CNTNAP2: variants seen among roughly 807,000 people sequenced by gnomAD.
The protein encoded by CNTNAP2 is contactin-associated protein-like 2.
A neutral mutation model predicts 155.2 loss-of-function variants in CNTNAP2; 98 were observed. That is an observed-to-expected ratio of 0.63 (90% CI 0.54 to 0.75). The LOEUF (loss-of-function observed/expected upper bound fraction) is 0.75. CNTNAP2 is among the 30% of genes least tolerant of loss of function. The pLI, the probability that CNTNAP2 is intolerant of heterozygous loss-of-function variation, is 0.00. For missense variants in CNTNAP2, 1,727 were observed against 1,688.1 expected (o/e 1.02, Z -0.40); for synonymous variants, 651 against 631.2 (o/e 1.03, Z -0.47).
At chr7:146,774,065 T>C (rs1802344249) in intron 1 of CNTNAP2, among the ~76,000 whole-genome samples, 2 of 152,230 alleles carry the variant, frequency 1.3e-5, no homozygotes, top group African/African-American at 4.8e-5. Context: ...GCTATGGTTT[T>C]CCATTTGAAT....
intron 20 of CNTNAP2, among the ~76,000 whole-genome samples, chr7:148,245,878 C>T (rs1163825643): frequency 1.3e-5 from 2 of 152,172 alleles, no homozygotes; most frequent in East Asian, 1.9e-4. Flanking sequence ...CTTCACTTCC[C>T]CTGGTCTTTT....
At chr7:147,319,001 A>T (rs1478593781) in intron 9 of CNTNAP2, among the ~76,000 whole-genome samples, 1 of 152,186 alleles carries the variant, frequency 6.6e-6, no homozygotes, top group Non-Finnish European at 1.5e-5. Flanking sequence ...ATTTTTAAAA[A>T]TATAAGTGGA....
At chr7:146,202,526 G>A (rs1435487135) in intron 1 of CNTNAP2, among the ~76,000 whole-genome samples, 1 of 151,836 alleles carries the variant, frequency 6.6e-6, no homozygotes, top group Non-Finnish European at 1.5e-5. Flanking sequence ...TACACTTCCG[G>A]CAATCCAAAC....
At chr7:148,069,977 A>G (rs1303928487) in intron 15 of CNTNAP2, among the ~76,000 whole-genome samples, 1 of 152,226 alleles carries the variant, frequency 6.6e-6, no homozygotes, top group Non-Finnish European at 1.5e-5. Flanking sequence ...TTCTCTGACA[A>G]CTGCATAAGT....
rs543186440 is a variant in CNTNAP2 at position 146,679,705 on chromosome 7, A to G, written c.98-94566A>G. On this transcript the variant is annotated intron_variant, in intron 1 of 23. Transcript: ENST00000361727. ...TTCCTCCTTTCCTTTCTCTGTCTTC[A>G]TTCTGCATTTATCTTTCCCTCTTTT... 4.0e-5 allele frequency among the ~76,000 whole-genome samples: 6 copies of G among 151,492 alleles called. No individual in the cohort carries two copies. In the South Asian group the frequency reaches 1.3e-3, roughly 32 times the overall value.
chr7:147,787,140 C>A (rs1797752780), intron 13 of CNTNAP2, among the ~76,000 whole-genome samples: 1 of 152,164 alleles, frequency 6.6e-6, no homozygotes, highest in African/African-American at 2.4e-5. Context: ...TACCTGAATA[C>A]CTGCAGGTGT....
chr7:148,153,240 G>GAA (rs3056237), intron 17 of CNTNAP2, among the ~76,000 whole-genome samples: 3,491 of 130,218 alleles, frequency 0.027, 158 homozygotes, highest in African/African-American at 0.089. Context: ...CAAAGTAACC[G>GAA]AAAAAAAAAA....
chr7:146,427,145 A>C (rs2129115962), intron 1 of CNTNAP2, among the ~76,000 whole-genome samples: 1 of 152,322 alleles, frequency 6.6e-6, no homozygotes, highest in South Asian at 2.1e-4. Flanking sequence ...ATCATTAAAA[A>C]GATTATTTAT....
At chr7:146,853,494 C>G (rs1201309253) in intron 3 of CNTNAP2, among the ~76,000 whole-genome samples, 1 of 152,104 alleles carries the variant, frequency 6.6e-6, no homozygotes, top group Non-Finnish European at 1.5e-5. Flanking sequence ...TATTTCTTAG[C>G]TTATTCAATT....
chr7:147,542,133 C>T (rs1021913700), intron 11 of CNTNAP2, among the ~76,000 whole-genome samples: 4 of 152,142 alleles, frequency 2.6e-5, no homozygotes, highest in Admixed American at 1.3e-4. Flanking sequence ...TTGCCGGACA[C>T]AGTGGCTACA....
intron 3 of CNTNAP2, among the ~76,000 whole-genome samples, chr7:146,886,154 G>A (rs1228814815): frequency 1.3e-5 from 2 of 151,636 alleles, no homozygotes; most frequent in East Asian, 3.9e-4. Flanking sequence ...AGCATCTGAA[G>A]CCTAGAGCTG....
At position 146,810,315 on chromosome 7, in the gene CNTNAP2, T is replaced by C. The variant is rs969977852; in HGVS notation, c.209-29396T>C. Reference sequence around the variant, plus strand: ...TCTAGCTTTCTTTTTTTTTTTTTTTTCAAGATTGCTTTGGTATTTTCATTT... The same window carrying C: ...TCTAGCTTTCTTTTTTTTTTTTTTTCCAAGATTGCTTTGGTATTTTCATTT... On this transcript the variant is annotated intron_variant, in intron 2 of 23. Coordinates refer to ENST00000361727, the MANE Select transcript of CNTNAP2 (RefSeq NM_014141.6). Among the ~76,000 whole-genome samples the C allele has an allele frequency of 7.5e-5, 11 of 146,212 alleles. No homozygotes were observed. In the East Asian group the frequency reaches 1.2e-3, roughly 15 times the overall value.
At position 147,531,824 on chromosome 7, in the gene CNTNAP2, C is replaced by T. The variant is rs1461844201; in HGVS notation, c.1778-30314C>T. Among the ~76,000 whole-genome samples, 27 of 141,812 alleles carry T rather than the reference C, an allele frequency of 1.9e-4. No homozygotes were observed. In the East Asian group the frequency reaches 2.5e-3, roughly 13 times the overall value. 93.0% of individuals were successfully genotyped at this position (141,812 alleles called of 152,430 possible). A position where few individuals can be genotyped will look rare whatever the true frequency, so the allele number is the denominator to read the frequency against. On this transcript the variant is annotated intron_variant, in intron 11 of 23. Transcript: ENST00000361727. ...TTCTTTTCTTTTTTTTTTTTTTTTC[C>T]GAGACAAAGTCTCACTCTGTCACCC...
chr7:148,148,426 T>C (rs951585980), intron 17 of CNTNAP2, among the ~76,000 whole-genome samples: 3 of 152,238 alleles, frequency 2.0e-5, no homozygotes, highest in Non-Finnish European at 4.4e-5. Flanking sequence ...AATATTCATA[T>C]GTTAGGAAAT....
chr7:147,046,839 A>C lies in CNTNAP2; in HGVS notation c.550+2785A>C, dbSNP rs11975060. On this transcript the variant is annotated intron_variant, in intron 4 of 23. Coordinates refer to ENST00000361727, the MANE Select transcript of CNTNAP2 (RefSeq NM_014141.6). ...GGTCAGGAGATCGAGACCATCCTGG[A>C]TAACACGGTGAAACCCCGTCTCTAC... Among the ~76,000 whole-genome samples the C allele has an allele frequency of 4.3e-3, 652 of 151,888 alleles. 3 individuals carry two copies. The highest frequency in any genetic ancestry group is 9.9e-3 in the Admixed American group (151 of 15,256).
chr7:146,479,848 G>C lies in CNTNAP2; in HGVS notation c.98-294423G>C, dbSNP rs192599813. ...CCCCCGGGCTGGAGTGCAGTGGTGC[G>C]ATCTCAGCTCACTGCAACCTCTGCC... On this transcript the variant is annotated intron_variant, in intron 1 of 23. Coordinates refer to ENST00000361727, the MANE Select transcript of CNTNAP2 (RefSeq NM_014141.6). Among the ~76,000 whole-genome samples, 78 of 152,120 alleles carry C rather than the reference G, an allele frequency of 5.1e-4. 2 individuals carry two copies. The East Asian group carries it at 0.014, about 28-fold the overall frequency.
chr7:146,637,708 C>A (rs1385068260), intron 1 of CNTNAP2, among the ~76,000 whole-genome samples: 1 of 152,142 alleles, frequency 6.6e-6, no homozygotes, highest in Non-Finnish European at 1.5e-5. Flanking sequence ...GTACAGAGTG[C>A]CTCTGAACTA....
intron 1 of CNTNAP2, among the ~76,000 whole-genome samples, chr7:146,767,277 T>C (rs955039538): frequency 6.6e-6 from 1 of 152,140 alleles, no homozygotes; most frequent in Non-Finnish European, 1.5e-5. Flanking sequence ...ATATAAATAA[T>C]AAAAGATCTC....
chr7:146,153,823 A>C (rs1416234355), intron 1 of CNTNAP2, among the ~76,000 whole-genome samples: 1 of 152,180 alleles, frequency 6.6e-6, no homozygotes, highest in Non-Finnish European at 1.5e-5. Context: ...TAACAGCAAT[A>C]ATCTATTATC....
Sources: allele counts gnomAD v4.1 joint callset (sites outside exome capture counted in the v4.1 genomes callset), GRCh38; gene constraint gnomAD v4.1.1; transcripts MANE v1.5; gene names NCBI Gene and HGNC (gene_info 2026-07-23, HGNC 2026-07-21).